Variants in WWOX observed in about 807,000 individuals in gnomAD.
The protein encoded by WWOX is WW domain containing oxidoreductase, also known as WW domain-containing oxidoreductase.
WWOX carries 69 observed loss-of-function variants against 46.2 expected under a neutral mutation model. The ratio of observed to expected loss-of-function variants is 1.49; its 90% confidence interval spans 1.23 to 1.82. The LOEUF is 1.82. WWOX is among the 40% of genes most tolerant of loss of function. The pLI is 0.00. For missense variants in WWOX, 919 were observed against 542.6 expected (o/e 1.69, Z -6.89); for synonymous variants, 359 against 202.6 (o/e 1.77, Z -6.56).
In WWOX at chr16:79,051,887, G is replaced by T. The variant is rs572545308; in HGVS notation, c.1057-159721G>T. ...CAGTTTAGCCTAAATATTTGCCCTG[G>T]CATGCTTATACTGGTCCAAGCAAGC... On this transcript the variant is annotated intron_variant, in intron 8 of 8. Coordinates refer to ENST00000566780, the MANE Select transcript of WWOX (RefSeq NM_016373.4). Among the ~76,000 whole-genome samples, 13 of 152,224 alleles carry T rather than the reference G, an allele frequency of 8.5e-5. No homozygotes were observed. The South Asian group carries it at 2.7e-3, about 32-fold the overall frequency.
chr16:79,187,129 G>A (rs1567605669), intron 8 of WWOX, among the ~76,000 whole-genome samples: 1 of 152,134 alleles, frequency 6.6e-6, no homozygotes, highest in Non-Finnish European at 1.5e-5. Context: ...CGAACCCCCT[G>A]GGTTCAAATC....
intron 5 of WWOX, among the ~76,000 whole-genome samples, chr16:78,182,682 G>C (rs1055517843): frequency 1.3e-5 from 2 of 152,050 alleles, no homozygotes; most frequent in East Asian, 3.9e-4. Context: ...ACTGGGTGTG[G>C]TGGCTCACGC....
rs1287930221 is a variant in WWOX at position 79,205,442 on chromosome 16, C to G, written c.1057-6166C>G. 4 of 152,206 alleles carry G rather than the reference C, an allele frequency of 2.6e-5. No individual in the cohort carries two copies. The East Asian group carries it at 5.8e-4, about 22-fold the overall frequency. The allele number at this position is 152,206 out of a possible 1,614,324, so 9.4% of individuals were successfully genotyped here. A position where few individuals can be genotyped will look rare whatever the true frequency, so the allele number is the denominator to read the frequency against. On this transcript the variant is annotated intron_variant, in intron 8 of 8. Coordinates refer to ENST00000566780, the MANE Select transcript of WWOX (RefSeq NM_016373.4). ...TTGTGGCAAAAGATCAACATCTAAACACATTGTCCACGTCTAATTTGTTAG... is the reference window on the plus strand; with the variant it reads ...TTGTGGCAAAAGATCAACATCTAAAGACATTGTCCACGTCTAATTTGTTAG...
At chr16:78,403,760 T>TA (rs2082466059) in intron 6 of WWOX, among the ~76,000 whole-genome samples, 1 of 152,132 alleles carries the variant, frequency 6.6e-6, no homozygotes. Flanking sequence ...GTTGTAAGAG[T>TA]AAATGTGTTC....
At chr16:78,346,461 T>C (rs2081096149) in intron 5 of WWOX, among the ~76,000 whole-genome samples, 1 of 120,008 alleles carries the variant, frequency 8.3e-6, no homozygotes. Context: ...TGTATAACTT[T>C]TTAAGAGGTT....
At chr16:78,136,013 C>T (rs1001958713) in intron 4 of WWOX, among the ~76,000 whole-genome samples, 65 of 152,132 alleles carry the variant, frequency 4.3e-4, no homozygotes, top group Non-Finnish European at 5.9e-5. Flanking sequence ...TTTTATGAGG[C>T]AGGCTGGAAA....
At chr16:79,170,549 C>T (rs151082819) in intron 8 of WWOX, among the ~76,000 whole-genome samples, 10 of 152,236 alleles carry the variant, frequency 6.6e-5, no homozygotes, top group Admixed American at 2.0e-4. Flanking sequence ...TGAAATCTGA[C>T]TGTAAATTAC....
At chr16:78,652,449 T>A (rs1294768977) in intron 8 of WWOX, among the ~76,000 whole-genome samples, 2 of 151,266 alleles carry the variant, frequency 1.3e-5, no homozygotes, top group African/African-American at 4.9e-5. Flanking sequence ...AAAAAGGTGT[T>A]TGGAAGCCAT....
chr16:78,604,410 T>C (rs1449479474), intron 8 of WWOX, among the ~76,000 whole-genome samples: 1 of 152,070 alleles, frequency 6.6e-6, no homozygotes, highest in Non-Finnish European at 1.5e-5. Context: ...GGAGCCCTTG[T>C]ACCAAGCACG....
At chr16:78,190,547 A>G (rs1280237870) in intron 5 of WWOX, among the ~76,000 whole-genome samples, 1 of 152,178 alleles carries the variant, frequency 6.6e-6, no homozygotes, top group Non-Finnish European at 1.5e-5. Context: ...GCTACAGTGC[A>G]CATCCCTTCC....
chr16:78,590,863 C>G (rs1366550156), intron 8 of WWOX, among the ~76,000 whole-genome samples: 4 of 152,122 alleles, frequency 2.6e-5, no homozygotes, highest in African/African-American at 7.2e-5. Flanking sequence ...GTTAAGAGCT[C>G]AGACTCCAGC....
intron 5 of WWOX, among the ~76,000 whole-genome samples, chr16:78,172,244 G>A (rs1262557769): frequency 1.3e-5 from 2 of 152,170 alleles, no homozygotes; most frequent in African/African-American, 4.8e-5. Context: ...TGTAATCTGA[G>A]GGAGTTGATG....
chr16:78,990,623 C>G (rs534364441), intron 8 of WWOX, among the ~76,000 whole-genome samples: 4 of 151,438 alleles, frequency 2.6e-5, no homozygotes, highest in African/African-American at 9.7e-5. Context: ...GCGAACAGGC[C>G]AGAATGTGAT....
At chr16:78,694,672 C>G (rs1471494889) in intron 8 of WWOX, among the ~76,000 whole-genome samples, 1 of 152,212 alleles carries the variant, frequency 6.6e-6, no homozygotes, top group Non-Finnish European at 1.5e-5. Context: ...ACATGGCCTT[C>G]TAGACCATGA....
chr16:79,060,245 T>G (rs2048334739), intron 8 of WWOX, among the ~76,000 whole-genome samples: 1 of 152,230 alleles, frequency 6.6e-6, no homozygotes. Flanking sequence ...CTGCAGTGTT[T>G]CCAAAAATAG....
chr16:78,861,732 C>G (rs2043889801), intron 8 of WWOX, among the ~76,000 whole-genome samples: 1 of 152,040 alleles, frequency 6.6e-6, no homozygotes. Context: ...AGGTAAAAAC[C>G]TTTAACTCAT....
At chr16:78,279,131 G>A (rs1168431249) in intron 5 of WWOX, among the ~76,000 whole-genome samples, 2 of 152,070 alleles carry the variant, frequency 1.3e-5, no homozygotes, top group African/African-American at 4.8e-5. Context: ...TTTTGAATAA[G>A]TAGAAAAACC....
At chr16:78,773,217 G>T (rs1379614549) in intron 8 of WWOX, among the ~76,000 whole-genome samples, 1 of 152,144 alleles carries the variant, frequency 6.6e-6, no homozygotes, top group Non-Finnish European at 1.5e-5. Context: ...ATATATATTT[G>T]TTCTATTAAT....
intron 8 of WWOX, among the ~76,000 whole-genome samples, chr16:78,813,292 T>C (rs2142715526): frequency 6.6e-6 from 1 of 152,186 alleles, no homozygotes; most frequent in Non-Finnish European, 1.5e-5. Flanking sequence ...TTCCTTTTTT[T>C]CCCTCCTAAG....
Sources: gnomAD v4.1 joint callset for allele counts (sites outside exome capture counted in the v4.1 genomes callset) on GRCh38, gnomAD v4.1.1 for gene constraint, MANE v1.5 for transcripts, NCBI Gene and HGNC (gene_info 2026-07-23, HGNC 2026-07-21) for gene names.